PRMT9: variants seen among roughly 807,000 people sequenced by gnomAD.
The protein encoded by PRMT9 is protein arginine N-methyltransferase 9.
Under a neutral mutation model 83.2 loss-of-function variants are expected in PRMT9, and 59 were observed. The ratio of observed to expected loss-of-function variants is 0.71; its 90% CI spans 0.57 to 0.88. The LOEUF (loss-of-function observed/expected upper bound fraction) is 0.88, where lower values mean the gene tolerates loss of function less well. Among genes scored for constraint, PRMT9 ranks in the 40% least tolerant of loss-of-function variants. PRMT9 has a pLI of 0.00. For missense variants in PRMT9, 947 were observed against 1,021.9 expected (o/e 0.93, Z 1.00); for synonymous variants, 333 against 353.2 (o/e 0.94, Z 0.64).
In PRMT9 at chr4:147,660,920, T is replaced by A. The variant is rs934886243; in HGVS notation, c.1072A>T (p.Ser358Cys). Reference protein sequence around the residue: ...TIEPYTTEKMSRVPGGYLALT... With the variant: ...TIEPYTTEKMCRVPGGYLALT... ...GCCAAATATCCTCCAGGAACTCGAC[T>A]CATCTTTTCAGTTGTATAAGGTTCA... is the stretch of plus-strand genomic sequence containing the variant. The change falls in exon 7 of 12, where the codon AGT becomes TGT. Residue 358 changes from serine to cysteine, a missense_variant. Ser to Cys is a moderately radical substitution (Grantham distance 112, BLOSUM62 -1). Transcript: ENST00000322396. The A allele has an allele frequency of 1.9e-6, 3 of 1,613,580 alleles. No individual in the cohort carries two copies. Among genetic ancestry groups the A allele is most frequent in the Non-Finnish European group, 2.5e-6 (3 of 1,179,534 alleles).
At chr4:147,646,945 C>T (rs193009444) in intron 9 of PRMT9, among the ~76,000 whole-genome samples, 77 of 152,234 alleles carry the variant, frequency 5.1e-4, no homozygotes, top group African/African-American at 1.8e-3. Context: ...AACTGACGGA[C>T]CCAGGCATAG....
chr4:147,667,478 T>G (rs1171986372), intron 6 of PRMT9, among the ~76,000 whole-genome samples: 1 of 152,208 alleles, frequency 6.6e-6, no homozygotes, highest in Non-Finnish European at 1.5e-5. Flanking sequence ...ATTCAACCAG[T>G]ACATTCTAAT....
chr4:147,666,438 C>G (rs930870780), intron 6 of PRMT9, among the ~76,000 whole-genome samples: 6 of 152,128 alleles, frequency 3.9e-5, no homozygotes, highest in African/African-American at 1.2e-4. Flanking sequence ...AAATGAAGCA[C>G]ACCATTTCCA....
chr4:147,658,141 T>C (rs1200812955), intron 7 of PRMT9, among the ~76,000 whole-genome samples, 166 bp from the exon 8 acceptor site: 3 of 151,650 alleles, frequency 2.0e-5, no homozygotes, highest in Non-Finnish European at 4.4e-5. Flanking sequence ...GTTGGGAAGC[T>C]CTGACCTATT....
intron 9 of PRMT9, among the ~76,000 whole-genome samples, chr4:147,645,920 T>C (rs1033509332): frequency 3.9e-5 from 6 of 152,196 alleles, no homozygotes; most frequent in African/African-American, 1.4e-4. Flanking sequence ...TCCTTCTGAG[T>C]TGTAATAAAT....
chr4:147,640,104 ACT>A lies in PRMT9; in HGVS notation c.2200-1024_2200-1023del, dbSNP rs1435732281. 4.9e-5 allele frequency among the ~76,000 whole-genome samples: 5 copies of A among 101,028 alleles called. No homozygotes were observed. The East Asian group carries it at 1.5e-3, about 31-fold the overall frequency. The allele number at this position is 101,028 out of a possible 152,430, so 66.3% of individuals were successfully genotyped here. ...TTTTTTTTTTTTAATATAGGGTCTC[ACT>A]CTGTTCCCCAGGCTGGAGTGCAGTA... On this transcript the variant is annotated intron_variant, in intron 10 of 11. Coordinates refer to ENST00000322396, the MANE Select transcript of PRMT9 (RefSeq NM_138364.4).
At chr4:147,645,307 A>G (rs561637256) in intron 9 of PRMT9, among the ~76,000 whole-genome samples, 5 of 152,322 alleles carry the variant, frequency 3.3e-5, no homozygotes, top group African/African-American at 1.2e-4. Context: ...TAACCACTTA[A>G]AAGATATCTA....
intron 9 of PRMT9, among the ~76,000 whole-genome samples, chr4:147,646,603 G>A (rs1274597118): frequency 7.0e-6 from 1 of 142,594 alleles, no homozygotes. Flanking sequence ...GACAGAGTAA[G>A]AGCCTGCCTA....
chr4:147,683,727 T>A, intron 1 of PRMT9, 72 bp downstream of exon 1: 2 of 1,339,092 alleles, frequency 1.5e-6, no homozygotes, highest in Non-Finnish European at 1.0e-6. Flanking sequence ...CCGCTTTTTT[T>A]TTTTTCTGTT....
chr4:147,673,932 T>G, intron 2 of PRMT9, 58 bp from the exon 3 acceptor site: 3,539 of 1,105,638 alleles, frequency 3.2e-3, no homozygotes, highest in Non-Finnish European at 4.5e-3. Context: ...CCAACTGCAG[T>G]ACCTTTGTTT....
In PRMT9 at chr4:147,654,219, G is replaced by C. The variant is rs1293818106; in HGVS notation, c.1678C>G (p.His560Asp). Residue 560 changes from histidine to aspartate, a missense_variant, in exon 9 of 12, where the codon CAC (histidine) becomes GAC (aspartate). By Grantham distance (81) the His-to-Asp change is moderately conservative (BLOSUM62 -1). Coordinates refer to ENST00000322396, the MANE Select transcript of PRMT9 (RefSeq NM_138364.4). Reference sequence around the variant, plus strand: ...CCAGAGCTCATCTCATTCTGACAGTGAGTATCCATGGTCTGATACAGTTTC... The same window carrying C: ...CCAGAGCTCATCTCATTCTGACAGTCAGTATCCATGGTCTGATACAGTTTC... ...PEKLYQTMDT[H>D]CQNEMSSGTG... 3 of 1,614,088 alleles carry C rather than the reference G, an allele frequency of 1.9e-6. No homozygotes were observed. Among genetic ancestry groups the C allele is most frequent in the South Asian group, 2.2e-5 (2 of 91,080 alleles).
intron 2 of PRMT9, among the ~76,000 whole-genome samples, chr4:147,676,170 G>C (rs1254261294): frequency 6.6e-6 from 1 of 152,158 alleles, no homozygotes; most frequent in East Asian, 1.9e-4. Flanking sequence ...TCAATGACTG[G>C]TAACTGCTCA....
chr4:147,656,887 A>C (rs1275741555), intron 8 of PRMT9, among the ~76,000 whole-genome samples: 1 of 151,784 alleles, frequency 6.6e-6, no homozygotes, highest in Non-Finnish European at 1.5e-5. Flanking sequence ...TGGGCCTCCC[A>C]AAGTACTAGG....
rs878998028 is a variant in PRMT9, at chr4:147,657,825, C to G, written c.1297G>C (p.Glu433Gln). Residue 433 changes from glutamate to glutamine, a missense_variant, in exon 8 of 12, where the codon GAA becomes CAA. Physicochemically the swap from Glu to Gln is conservative, Grantham distance 29. Coordinates refer to ENST00000322396, the MANE Select transcript of PRMT9 (RefSeq NM_138364.4). ...TCCTGTACGGGGTAGACAGCCTGTT[C>G]CCAACATGTTTCCTCACTAGGACTT... ...STSPSEETCW[E>Q]QAVYPVQDLA... 5 of 1,611,644 alleles carry G rather than the reference C, an allele frequency of 3.1e-6. No homozygotes were observed. The African/African-American group carries it at 6.8e-5, about 22-fold the overall frequency.
intron 9 of PRMT9, among the ~76,000 whole-genome samples, chr4:147,644,237 T>C (rs960480221): frequency 6.6e-5 from 10 of 152,030 alleles, no homozygotes; most frequent in African/African-American, 2.4e-4. Context: ...ATTTAGCAGA[T>C]GTGGCAAAAT....
In PRMT9 at chr4:147,654,042, G is replaced by A; in HGVS notation, c.1855C>T (p.Leu619=). The change falls in exon 9 of 12, where the codon CTG becomes TTG. Residue 619 remains leucine, a synonymous_variant. Coordinates refer to ENST00000322396, the MANE Select transcript of PRMT9 (RefSeq NM_138364.4). The part of the protein sequence containing the change: ...SVEKDQHRIA[L]DLISEANHFP... ...TGATTGGCTTCAGATATGAGGTCCA[G>A]AGCAATACGATGCTGGTCTTTCTCC... 2 of 1,614,232 alleles carry A rather than the reference G, an allele frequency of 1.2e-6. No individual in the cohort carries two copies. The highest frequency in any genetic ancestry group is 1.7e-5 in the Admixed American group (1 of 60,028).
At position 147,661,613 on chromosome 4, in the gene PRMT9, A is replaced by G. The variant is rs1734956802; in HGVS notation, c.954-575T>C. On this transcript the variant is annotated intron_variant, in intron 6 of 11. Transcript: ENST00000322396. ...AGACCATCCTGGCTAACACAGTGAA[A>G]CCCTGTCTCTACTAAAAATACAAAA... is the stretch of plus-strand genomic sequence containing the variant. 3.3e-5 allele frequency among the ~76,000 whole-genome samples: 5 copies of G among 152,082 alleles called. No individual in the cohort carries two copies. The Middle Eastern group carries it at 0.017, about 517-fold the overall frequency.
At chr4:147,655,071 C>G (rs534910838) in intron 8 of PRMT9, among the ~76,000 whole-genome samples, 5 of 152,346 alleles carry the variant, frequency 3.3e-5, no homozygotes, top group African/African-American at 1.2e-4. Context: ...GTATTTTAGA[C>G]ATTCTTGCAT....
rs1169363736 is a variant in PRMT9, at chr4:147,673,704, A to G, written c.509T>C (p.Ile170Thr). 6.2e-7 allele frequency: 1 copy of G among 1,613,974 alleles called. No individual in the cohort carries two copies. The highest frequency in any genetic ancestry group is 8.5e-7 in the Non-Finnish European group (1 of 1,180,008). The change falls in exon 3 of 12, where the codon ATC becomes ACC. Residue 170 changes from isoleucine (I) to threonine (T), a missense_variant. Coordinates refer to ENST00000322396, the MANE Select transcript of PRMT9 (RefSeq NM_138364.4). ...TKRNTIYNAA[I>T]QKAVCLGSKS... ...GGACCCCAAACAAACTGCCTTTTGG[A>G]TTGCTGCATTATAAATTGTATTCCT...
Sources: gnomAD v4.1 joint callset for allele counts (sites outside exome capture counted in the v4.1 genomes callset) on GRCh38, gnomAD v4.1.1 for gene constraint, MANE v1.5 for transcripts, NCBI Gene and HGNC (gene_info 2026-07-23, HGNC 2026-07-21) for gene names.